The following NRXN3 variants were observed in gnomAD, a reference collection of about 807,000 sequenced individuals.
NRXN3 encodes neurexin 3, also known as neurexin III.
Under a neutral mutation model 137.6 loss-of-function variants are expected in NRXN3, and 32 were observed. That is an observed-to-expected ratio of 0.23 (90% confidence interval 0.18 to 0.31). The LOEUF (loss-of-function observed/expected upper bound fraction) is 0.31. Among genes scored for constraint, NRXN3 ranks in the 10% least tolerant of loss-of-function variants. NRXN3 has a pLI of 1.00. For missense variants in NRXN3, 1,574 were observed against 2,062.5 expected, an observed-to-expected ratio of 0.76 and a Z score of 4.59; for synonymous variants, 798 against 784.5, an observed-to-expected ratio of 1.02 and a Z score of -0.29.
intron 16 of NRXN3, among the ~76,000 whole-genome samples, chr14:79,533,930 A>G (rs1479790833): frequency 6.6e-6 from 1 of 152,206 alleles, no homozygotes; most frequent in Non-Finnish European, 1.5e-5. Flanking sequence ...AGTAATTGAT[A>G]ACAACTTGTA....
At chr14:78,220,688 G>T (rs1033977294) in intron 1 of NRXN3, among the ~76,000 whole-genome samples, 1 of 152,062 alleles carries the variant, frequency 6.6e-6, no homozygotes, top group African/African-American at 2.4e-5. Context: ...GCCTATAGAG[G>T]TTCAAGAAAG....
intron 15 of NRXN3, among the ~76,000 whole-genome samples, chr14:78,992,402 A>G (rs2153081900): frequency 6.6e-6 from 1 of 152,322 alleles, no homozygotes; most frequent in East Asian, 1.9e-4. Context: ...TTTAAGAACA[A>G]CAAAAGAAAT....
At chr14:79,157,909 C>A (rs1326719553) in intron 15 of NRXN3, among the ~76,000 whole-genome samples, 1 of 151,810 alleles carries the variant, frequency 6.6e-6, no homozygotes, top group Non-Finnish European at 1.5e-5. Flanking sequence ...CACTTTTCAC[C>A]TATTGCCATT....
chr14:79,046,823 C>A (rs1301548248), intron 15 of NRXN3, among the ~76,000 whole-genome samples: 1 of 152,146 alleles, frequency 6.6e-6, no homozygotes, highest in African/African-American at 2.4e-5. Flanking sequence ...ATTTTAATAT[C>A]ATTCTACTTT....
intron 16 of NRXN3, among the ~76,000 whole-genome samples, chr14:79,531,327 T>A (rs1049506171): frequency 5.9e-5 from 9 of 152,230 alleles, no homozygotes; most frequent in African/African-American, 1.9e-4. Context: ...TGCTTTGGAT[T>A]TGAGCTTCAT....
chr14:78,754,347 C>A (rs924441177), intron 8 of NRXN3, among the ~76,000 whole-genome samples: 1 of 152,132 alleles, frequency 6.6e-6, no homozygotes, highest in South Asian at 2.1e-4. Context: ...CTGGGTACTC[C>A]CCACCCCACA....
chr14:79,320,841 A>ACT (rs1049618341), intron 15 of NRXN3, among the ~76,000 whole-genome samples: 2 of 150,312 alleles, frequency 1.3e-5, no homozygotes, highest in Non-Finnish European at 3.0e-5. Flanking sequence ...ATTAGCAAGG[A>ACT]CTTTTTTTTT....
intron 4 of NRXN3, among the ~76,000 whole-genome samples, chr14:78,399,199 C>T (rs2091810482): frequency 6.6e-6 from 1 of 152,266 alleles, no homozygotes; most frequent in Non-Finnish European, 1.5e-5. Flanking sequence ...AATTAGTATA[C>T]ATTCTCCTAT....
At chr14:78,987,734 G>A (rs2099509931) in intron 14 of NRXN3, among the ~76,000 whole-genome samples, 1 of 151,962 alleles carries the variant, frequency 6.6e-6, no homozygotes, top group Non-Finnish European at 1.5e-5. Context: ...TAGTTGAAAG[G>A]TAGAGATGAA....
chr14:78,264,574 G>A (rs1287068101), intron 2 of NRXN3, among the ~76,000 whole-genome samples: 1 of 152,036 alleles, frequency 6.6e-6, no homozygotes, highest in Non-Finnish European at 1.5e-5. Flanking sequence ...TGATGGTGCT[G>A]TTGGGAGCAG....
At chr14:78,312,040 GTT>G (rs1314489461) in intron 4 of NRXN3, among the ~76,000 whole-genome samples, 2 of 152,090 alleles carry the variant, frequency 1.3e-5, no homozygotes, top group African/African-American at 4.8e-5. Flanking sequence ...TTCAGATGTT[GTT>G]TTCTTTCTCC....
At chr14:79,230,606 T>C (rs1362661896) in intron 15 of NRXN3, among the ~76,000 whole-genome samples, 1 of 152,194 alleles carries the variant, frequency 6.6e-6, no homozygotes, top group African/African-American at 2.4e-5. Flanking sequence ...CTCATTCCAT[T>C]GAAAAGTTCA....
intron 1 of NRXN3, among the ~76,000 whole-genome samples, chr14:78,237,655 C>G (rs2066494227): frequency 6.6e-6 from 1 of 152,196 alleles, no homozygotes; most frequent in Non-Finnish European, 1.5e-5. Context: ...TGAAACTAAT[C>G]ACTGTGGCCA....
At chr14:79,070,044 G>C (rs574526131) in intron 15 of NRXN3, among the ~76,000 whole-genome samples, 1 of 151,874 alleles carries the variant, frequency 6.6e-6, no homozygotes, top group East Asian at 1.9e-4. Context: ...TTTGAGTTTT[G>C]TATGTGTCAG....
At chr14:78,317,458 A>G (rs1223826744) in intron 4 of NRXN3, among the ~76,000 whole-genome samples, 1 of 152,200 alleles carries the variant, frequency 6.6e-6, no homozygotes, top group African/African-American at 2.4e-5. Context: ...CCTTATAAGA[A>G]TCTGACTAAT....
intron 15 of NRXN3, among the ~76,000 whole-genome samples, chr14:79,304,446 T>C (rs965562551): frequency 6.6e-6 from 1 of 152,024 alleles, no homozygotes; most frequent in East Asian, 1.9e-4. Context: ...CATGGTACAA[T>C]TTTAGAGTTC....
intron 8 of NRXN3, among the ~76,000 whole-genome samples, chr14:78,777,383 C>T (rs781599645): frequency 2.6e-5 from 4 of 152,138 alleles, no homozygotes; most frequent in East Asian, 1.9e-4. Context: ...TAATATAAGT[C>T]GCATGCTGAG....
At chr14:78,462,434 A>G (rs144842170) in intron 4 of NRXN3, among the ~76,000 whole-genome samples, 9 of 152,240 alleles carry the variant, frequency 5.9e-5, no homozygotes, top group African/African-American at 9.6e-5. Context: ...CAAGACATTC[A>G]AGTTCAACGT....
intron 19 of NRXN3, among the ~76,000 whole-genome samples, chr14:79,710,260 A>T (rs2098798370): frequency 6.6e-6 from 1 of 152,146 alleles, no homozygotes; most frequent in Non-Finnish European, 1.5e-5. Flanking sequence ...CCACTTATGC[A>T]AAAAACAGAA....
Sources: allele counts gnomAD v4.1 joint callset (sites outside exome capture counted in the v4.1 genomes callset), GRCh38; gene constraint gnomAD v4.1.1; transcripts MANE v1.5; gene names NCBI Gene and HGNC (gene_info 2026-07-23, HGNC 2026-07-21).